MTMR3: variants seen among roughly 807,000 people sequenced by gnomAD.
The protein encoded by MTMR3 is phosphatidylinositol-3,5-bisphosphate 3-phosphatase MTMR3.
A neutral mutation model predicts 132.4 loss-of-function variants in MTMR3; 32 were observed. The observed-to-expected ratio is 0.24, with a 90% CI of 0.18 to 0.32. MTMR3 has a LOEUF of 0.32. MTMR3 is among the 10% of genes least tolerant of loss of function. The probability of loss-of-function intolerance (pLI) is 1.00; values close to 1 mark genes in which losing one functional copy is unlikely to be tolerated. For missense variants in MTMR3, 1,216 were observed against 1,489.6 expected (o/e 0.82, Z 3.02); for synonymous variants, 556 against 550.3 (o/e 1.01, Z -0.14).
rs1238785429 is a variant in MTMR3, at chr22:30,027,564, C to G, written c.*1763C>G. 1.3e-5 allele frequency: 2 copies of G among 152,738 alleles called. No homozygotes were observed. The highest frequency in any genetic ancestry group is 2.4e-5 in the African/African-American group (1 of 41,426). The allele number at this position is 152,738 out of a possible 1,614,324, so 9.5% of individuals were successfully genotyped here. A position where few individuals can be genotyped will look rare whatever the true frequency, so the allele number is the denominator to read the frequency against. ...TGGTCTAATTGAAGATTGTGCATTT[C>G]CTAGTGACAGGTGCCAAGAGGTTAT... On this transcript the variant is annotated 3_prime_UTR_variant, in exon 20 of 20. Transcript: ENST00000401950.
chr22:30,019,967 A>G lies in MTMR3; in HGVS notation c.2308A>G (p.Ser770Gly). ...LFSQGISEQQ[S>G]GLSVLLSSLQ... ...CTCACAGGGCATTTCTGAACAGCAG[A>G]GTGGGCTCAGTGTTCTCCTCAGTTC... Residue 770 changes from serine (S) to glycine (G), a missense_variant, in exon 17 of 20, where the codon AGT becomes GGT. Coordinates refer to ENST00000401950, the MANE Select transcript of MTMR3 (RefSeq NM_021090.4). 8 of 1,614,146 alleles carry G rather than the reference A, an allele frequency of 5.0e-6. No individual in the cohort carries two copies. Among genetic ancestry groups the G allele is most frequent in the Non-Finnish European group, 6.8e-6 (8 of 1,180,006 alleles).
At chr22:29,991,268 T>TA (rs2066955394) in intron 6 of MTMR3, 1 of 328,356 alleles carries the variant, frequency 3.0e-6, no homozygotes, top group South Asian at 8.4e-5. Flanking sequence ...TTCATTAGTC[T>TA]AAAAAAATAG....
intron 1 of MTMR3, among the ~76,000 whole-genome samples, chr22:29,901,777 C>T (rs2065006290): frequency 6.6e-6 from 1 of 152,154 alleles, no homozygotes; most frequent in Non-Finnish European, 1.5e-5. Flanking sequence ...GCCGCAAGCT[C>T]CTGGTCTCAA....
chr22:29,986,150 A>G (rs1185394149), intron 5 of MTMR3: 1 of 152,234 alleles, frequency 6.6e-6, no homozygotes, highest in African/African-American at 2.4e-5. Flanking sequence ...CCCAGGCCCC[A>G]TGACTGAGAT....
At position 30,023,385 on chromosome 22, in the gene MTMR3, C is replaced by T. The variant is rs554489372; in HGVS notation, c.3425+688C>T. On this transcript the variant is annotated intron_variant, in intron 19 of 19. Coordinates refer to ENST00000401950, the MANE Select transcript of MTMR3 (RefSeq NM_021090.4). ...AATGATGCTTCTAGGACATGTATCT[C>T]CCCACCCTGCACCCCAAGCCCAGAT... 7 of 1,508,848 alleles carry T rather than the reference C, an allele frequency of 4.6e-6. No homozygotes were observed. The South Asian group carries it at 5.6e-5, about 12-fold the overall frequency. The allele number at this position is 1,508,848 out of a possible 1,614,324, so 93.5% of individuals were successfully genotyped here. A position where few individuals can be genotyped will look rare whatever the true frequency, so the allele number is the denominator to read the frequency against.
intron 1 of MTMR3, among the ~76,000 whole-genome samples, chr22:29,888,197 C>A (rs1488513993): frequency 6.6e-6 from 1 of 151,816 alleles, no homozygotes; most frequent in African/African-American, 2.4e-5. Flanking sequence ...TGTATTTTTT[C>A]TTTTTAAAAA....
At chr22:29,920,520 A>G (rs1278583669) in intron 1 of MTMR3, among the ~76,000 whole-genome samples, 1 of 152,174 alleles carries the variant, frequency 6.6e-6, no homozygotes, top group East Asian at 1.9e-4. Context: ...GAATATTTGA[A>G]TGTTATGTTA....
intron 17 of MTMR3, chr22:30,021,793 C>T (rs2067761689): frequency 4.1e-6 from 2 of 482,056 alleles, no homozygotes; most frequent in African/African-American, 2.0e-5. Flanking sequence ...ACCCTGAGGG[C>T]CTGTTTTTCT....
In MTMR3 at chr22:29,959,843, C is replaced by T. The variant is rs190601118; in HGVS notation, c.-85+2755C>T. Among the ~76,000 whole-genome samples the T allele has an allele frequency of 3.3e-3, 500 of 151,172 alleles. 3 individuals are homozygous for T. Among genetic ancestry groups the T allele is most frequent in the Non-Finnish European group, 4.9e-3 (332 of 67,882 alleles). ...GTGTGATCATGGGTCACTGCAGCCT[C>T]GATCTCCTGGGCTCAAGTGATCCTC... On this transcript the variant is annotated intron_variant, in intron 2 of 19. Coordinates refer to ENST00000401950, the MANE Select transcript of MTMR3 (RefSeq NM_021090.4).
chr22:29,953,047 G>T (rs776568211), intron 1 of MTMR3, among the ~76,000 whole-genome samples: 19 of 151,918 alleles, frequency 1.3e-4, no homozygotes, highest in Non-Finnish European at 1.9e-4. Flanking sequence ...TTTTTCTCTG[G>T]ATCTGTTTCT....
Position 29,962,093 on chromosome 22 carries a change from C to T in MTMR3, c.-85+5005C>T, listed in dbSNP as rs949214043. Among the ~76,000 whole-genome samples the T allele has an allele frequency of 4.6e-5, 7 of 152,278 alleles. No homozygotes were observed. In the East Asian group the frequency reaches 5.8e-4, roughly 13 times the overall value. On this transcript the variant is annotated intron_variant, in intron 2 of 19. Transcript: ENST00000401950. The stretch of plus-strand genomic sequence containing the variant: ...CTCAAAACATGTCTCCATTGTTAAG[C>T]GAAGCTTGACTGTATGTGCATAGAG...
rs35960936 is a variant in MTMR3 at position 29,884,551 on chromosome 22, C to CTTT, written c.-138+1219_-138+1221dup. 1.3e-4 allele frequency among the ~76,000 whole-genome samples: 8 copies of CTTT among 62,684 alleles called. 1 individual carries two copies. In the South Asian group the frequency reaches 4.1e-3, roughly 32 times the overall value. The allele number at this position is 62,684 out of a possible 152,430, so 41.1% of individuals were successfully genotyped here. ...GGCTAGAAGAGCTTACAGAATGACA[C>CTTT]TTTTTTTTTTTTTTTTTTTTTTTTT... On this transcript the variant is annotated intron_variant, in intron 1 of 19. Coordinates refer to ENST00000401950, the MANE Select transcript of MTMR3 (RefSeq NM_021090.4).
intron 1 of MTMR3, among the ~76,000 whole-genome samples, chr22:29,949,152 C>CTGTCTTAAAACACACACACACACACA (rs2066020523): frequency 1.7e-5 from 1 of 59,814 alleles, no homozygotes; most frequent in African/African-American, 6.6e-5. Context: ...CACCCCCCCC[C>CTGTCTTAAAACACACACACACACACA]CCCCCCCCGA....
intron 2 of MTMR3, among the ~76,000 whole-genome samples, chr22:29,957,463 A>G (rs572227148): frequency 1.8e-4 from 26 of 146,344 alleles, no homozygotes; most frequent in African/African-American, 5.8e-4. Context: ...ATTTATTGAT[A>G]TATTTTTTGA....
In MTMR3 at chr22:29,967,196, TGTGTGTG is replaced by T. The variant is rs1157264349; in HGVS notation, c.-84-3779_-84-3773del. ...ATATTGTTACTCTTCACCTCTGTTG[TGTGTGTG>T]TGTGTGTGTGTGTGTGTGTGTGTGT... On this transcript the variant is annotated intron_variant, in intron 2 of 19. Transcript: ENST00000401950. 2.8e-3 allele frequency among the ~76,000 whole-genome samples: 46 copies of T among 16,392 alleles called. No homozygotes were observed. In the East Asian group the frequency reaches 0.073, roughly 26 times the overall value. The allele number at this position is 16,392 out of a possible 152,430, so 10.8% of individuals were successfully genotyped here.
At chr22:29,993,587 G>C (rs1328707885) in intron 7 of MTMR3, 3 of 152,218 alleles carry the variant, frequency 2.0e-5, no homozygotes, top group Non-Finnish European at 4.4e-5. Flanking sequence ...TACTCAGCAA[G>C]ATTTGCTTTC....
chr22:29,908,972 CTTTTCTTTTCT>C (rs1039604854), intron 1 of MTMR3, among the ~76,000 whole-genome samples: 8 of 110,992 alleles, frequency 7.2e-5, no homozygotes, highest in African/African-American at 2.1e-4. Context: ...TTTTTCTTTT[CTTTTCTTTTCT>C]TTTTTTTTTT....
intron 2 of MTMR3, among the ~76,000 whole-genome samples, chr22:29,961,482 T>A (rs1280663372): frequency 2.0e-5 from 3 of 152,054 alleles, no homozygotes; most frequent in Non-Finnish European, 4.4e-5. Flanking sequence ...CCCCACCCAT[T>A]TTGGGGGTAG....
At chr22:29,971,817 A>G (rs532479215) in intron 3 of MTMR3, among the ~76,000 whole-genome samples, 2 of 152,316 alleles carry the variant, frequency 1.3e-5, no homozygotes, top group South Asian at 2.1e-4. Flanking sequence ...GAGGAAATGT[A>G]AACAGTGCTT....
Sources: allele counts gnomAD v4.1 joint callset (sites outside exome capture counted in the v4.1 genomes callset), GRCh38; gene constraint gnomAD v4.1.1; transcripts MANE v1.5; gene names NCBI Gene and HGNC (gene_info 2026-07-23, HGNC 2026-07-21).